GSG1L: variants seen among roughly 807,000 people sequenced by gnomAD.
GSG1L encodes the protein germ cell-specific gene 1-like protein.
A neutral mutation model predicts 42.1 loss-of-function variants in GSG1L; 24 were observed. The ratio of observed to expected loss-of-function variants is 0.57; its 90% CI spans 0.41 to 0.80. The LOEUF (loss-of-function observed/expected upper bound fraction) is 0.80. Ranked by LOEUF, GSG1L falls within the 30% of genes least tolerant of loss-of-function variation. GSG1L has a pLI of 0.00. For missense variants in GSG1L, 445 were observed against 472.2 expected (o/e 0.94, Z 0.53); for synonymous variants, 215 against 203.5 (o/e 1.06, Z -0.48).
intron 1 of GSG1L, among the ~76,000 whole-genome samples, chr16:28,006,165 G>C (rs2085635512): frequency 1.3e-5 from 2 of 152,174 alleles, no homozygotes; most frequent in African/African-American, 2.4e-5. Flanking sequence ...TTTGCAGCCA[G>C]CAAGAAAGCA....
intron 1 of GSG1L, among the ~76,000 whole-genome samples, chr16:28,026,279 C>A (rs1401574902): frequency 1.3e-5 from 2 of 152,184 alleles, no homozygotes; most frequent in Non-Finnish European, 2.9e-5. Flanking sequence ...GAATGAACAG[C>A]AGCAAGCTTA....
intron 2 of GSG1L, among the ~76,000 whole-genome samples, chr16:27,915,196 T>TACACACACACACACAC (rs66820312): frequency 3.3e-5 from 4 of 121,784 alleles, no homozygotes; most frequent in Non-Finnish European, 5.1e-5. Context: ...CCAGAGGATG[T>TACACACACACACACAC]ACACACACAC....
intron 2 of GSG1L, among the ~76,000 whole-genome samples, chr16:27,891,105 C>A (rs2084120040): frequency 1.3e-5 from 2 of 152,130 alleles, no homozygotes; most frequent in African/African-American, 4.8e-5. Context: ...CTGCCCCCAT[C>A]CCCAGAAGCA....
intron 1 of GSG1L, among the ~76,000 whole-genome samples, chr16:28,008,619 C>T (rs205368): frequency 6.6e-6 from 1 of 152,100 alleles, no homozygotes; most frequent in African/African-American, 2.4e-5. Context: ...TAGAAAAGTA[C>T]GTCAGATTGC....
chr16:27,992,461 C>T (rs2085466883), intron 1 of GSG1L, among the ~76,000 whole-genome samples: 1 of 151,238 alleles, frequency 6.6e-6, no homozygotes. Context: ...TGTCACTGCA[C>T]CCCAGCCTGG....
chr16:27,829,840 G>A (rs1401013791), intron 4 of GSG1L, among the ~76,000 whole-genome samples: 2 of 152,140 alleles, frequency 1.3e-5, no homozygotes, highest in Non-Finnish European at 2.9e-5. Context: ...AGAAAGTCTT[G>A]CTGTCATTAT....
At chr16:27,851,525 C>G (rs1442357841) in intron 3 of GSG1L, among the ~76,000 whole-genome samples, 1 of 152,134 alleles carries the variant, frequency 6.6e-6, no homozygotes, top group East Asian at 1.9e-4. Flanking sequence ...ATTCACCCCC[C>G]TTCTCTCCAG....
rs573826717 is a variant in GSG1L at position 27,969,859 on chromosome 16, G to A, written c.350-6656C>T. 2.0e-5 allele frequency among the ~76,000 whole-genome samples: 3 copies of A among 152,330 alleles called. No homozygotes were observed. The South Asian group carries it at 6.2e-4, about 32-fold the overall frequency. Reference sequence around the variant, plus strand: ...GGATTCCAATTTCTCCATGTCTTCAGCAACACTTGCTATTGTTCGTCTTTT... The same window carrying A: ...GGATTCCAATTTCTCCATGTCTTCAACAACACTTGCTATTGTTCGTCTTTT... On this transcript the variant is annotated intron_variant, in intron 1 of 6. Transcript: ENST00000447459.
chr16:28,025,224 T>C (rs1346239347), intron 1 of GSG1L, among the ~76,000 whole-genome samples: 1 of 152,104 alleles, frequency 6.6e-6, no homozygotes. Context: ...AGATGTGCAC[T>C]GCGAGCCATG....
intron 1 of GSG1L, among the ~76,000 whole-genome samples, chr16:28,047,245 A>G (rs2086171463): frequency 6.6e-6 from 1 of 152,254 alleles, no homozygotes; most frequent in Admixed American, 6.5e-5. Context: ...TTCTCATCCT[A>G]CCAGGAAATA....
chr16:27,798,115 A>C (rs182162284), intron 6 of GSG1L, among the ~76,000 whole-genome samples: 99 of 152,312 alleles, frequency 6.5e-4, no homozygotes, highest in Non-Finnish European at 1.3e-3. Flanking sequence ...TCAGAAGCCC[A>C]ACCTGAGCAT....
chr16:27,991,097 G>A (rs1297467890), intron 1 of GSG1L, among the ~76,000 whole-genome samples: 1 of 152,128 alleles, frequency 6.6e-6, no homozygotes, highest in Non-Finnish European at 1.5e-5. Context: ...TTTTTCTTTG[G>A]TAGAAAAGGG....
chr16:27,979,661 A>AAGAAAGAAAGAAAGAAAGAGAGAG (rs368394279), intron 1 of GSG1L, among the ~76,000 whole-genome samples: 1 of 67,696 alleles, frequency 1.5e-5, no homozygotes, highest in African/African-American at 6.5e-5. Flanking sequence ...GAAAGAAAGA[A>AAGAAAGAAAGAAAGAAAGAGAGAG]AGAGAGAGAG....
intron 2 of GSG1L, among the ~76,000 whole-genome samples, chr16:27,937,923 A>G (rs1242057139): frequency 1.3e-5 from 2 of 151,980 alleles, no homozygotes; most frequent in African/African-American, 4.8e-5. Flanking sequence ...TGTTGTGGCG[A>G]CACCCACATG....
chr16:27,926,904 A>G (rs746475288), intron 2 of GSG1L, among the ~76,000 whole-genome samples: 3 of 152,188 alleles, frequency 2.0e-5, no homozygotes, highest in Non-Finnish European at 4.4e-5. Context: ...TGAGGTAGAT[A>G]TTAGTACTAC....
At chr16:27,935,753 C>G (rs2084708728) in intron 2 of GSG1L, among the ~76,000 whole-genome samples, 1 of 151,432 alleles carries the variant, frequency 6.6e-6, no homozygotes, top group Non-Finnish European at 1.5e-5. Flanking sequence ...CTGGCCCCTC[C>G]TGCTCCCTGG....
chr16:27,944,761 T>C (rs1327999687), intron 2 of GSG1L, among the ~76,000 whole-genome samples: 1 of 151,890 alleles, frequency 6.6e-6, no homozygotes, highest in African/African-American at 2.4e-5. Context: ...TGCCTATAAT[T>C]AGCAAATCTA....
intron 1 of GSG1L, among the ~76,000 whole-genome samples, chr16:27,990,813 T>C (rs1382243631): frequency 2.0e-5 from 3 of 152,236 alleles, no homozygotes; most frequent in African/African-American, 7.2e-5. Context: ...TATAGCAGCA[T>C]GTTTTGCAAT....
rs1231645464 is a variant in GSG1L, at chr16:27,807,467, C to T, written c.898+20G>A. The T allele has an allele frequency of 1.2e-6, 2 of 1,606,720 alleles. No individual in the cohort carries two copies. ...GCCCATGAATCTGTCGTAGCAGATA[C>T]CCACAAACAGGCCACTTACGGGCAG... On this transcript the variant is annotated intron_variant, in intron 6 of 6. Transcript: ENST00000447459.
Sources: gnomAD v4.1 joint callset for allele counts (sites outside exome capture counted in the v4.1 genomes callset) on GRCh38, gnomAD v4.1.1 for gene constraint, MANE v1.5 for transcripts, NCBI Gene and HGNC (gene_info 2026-07-23, HGNC 2026-07-21) for gene names.